Variants in BNC2 observed in about 807,000 individuals in gnomAD.
BNC2 encodes basonuclin zinc finger protein 2.
In BNC2, 20 loss-of-function variants were observed where a neutral mutation model predicts 76.3. The observed-to-expected ratio is 0.26, with a 90% CI of 0.18 to 0.38. The LOEUF (loss-of-function observed/expected upper bound fraction) is 0.38, where lower values mean the gene tolerates loss of function less well. BNC2 is among the 10% of genes least tolerant of loss of function. The pLI is 1.00. For missense variants in BNC2, 1,382 were observed against 1,399.8 expected (o/e 0.99, Z 0.20); for synonymous variants, 582 against 514.8 (o/e 1.13, Z -1.77).
chr9:16,617,439 TAG>T (rs1167939170), intron 3 of BNC2, among the ~76,000 whole-genome samples: 1 of 151,230 alleles, frequency 6.6e-6, no homozygotes, highest in Non-Finnish European at 1.5e-5. Context: ...TAGTTCAAAG[TAG>T]AGTTTCCTCA....
At chr9:16,829,072 G>A (rs1395527954) in intron 1 of BNC2, among the ~76,000 whole-genome samples, 1 of 152,140 alleles carries the variant, frequency 6.6e-6, no homozygotes, top group African/African-American at 2.4e-5. Flanking sequence ...TGGGGCCTGG[G>A]GCGGCCTGGG....
chr9:16,743,453 A>C (rs1461739396), intron 1 of BNC2, among the ~76,000 whole-genome samples: 2 of 152,158 alleles, frequency 1.3e-5, no homozygotes, highest in African/African-American at 4.8e-5. Flanking sequence ...GCCTTCAAAA[A>C]GGAATTTCTT....
chr9:16,834,869 T>G (rs1818666094), intron 1 of BNC2, among the ~76,000 whole-genome samples: 1 of 152,150 alleles, frequency 6.6e-6, no homozygotes. Context: ...CTTTTTTTTT[T>G]AAGTGAGATG....
At chr9:16,596,073 G>A (rs10511622) in intron 3 of BNC2, among the ~76,000 whole-genome samples, 24,078 of 151,966 alleles carry the variant, frequency 0.16, 3,456 homozygotes, top group African/African-American at 0.38. Context: ...TAAATGGCTC[G>A]TAAGAACTCA....
intron 4 of BNC2, among the ~76,000 whole-genome samples, chr9:16,556,959 AGT>A (rs1474431553): frequency 6.6e-6 from 1 of 152,130 alleles, no homozygotes; most frequent in Non-Finnish European, 1.5e-5. Context: ...TGATTTTTTA[AGT>A]GTCATAAAAT....
chr9:16,450,743 A>G (rs1399937274), intron 5 of BNC2, among the ~76,000 whole-genome samples: 1 of 152,224 alleles, frequency 6.6e-6, no homozygotes, highest in East Asian at 1.9e-4. Flanking sequence ...AGCAAAAGGA[A>G]AGGGAAACAT....
chr9:16,654,863 T>A (rs930581042), intron 3 of BNC2, among the ~76,000 whole-genome samples: 2 of 152,114 alleles, frequency 1.3e-5, no homozygotes, highest in African/African-American at 2.4e-5. Context: ...GCAGGAAAAA[T>A]GACGTTCCAT....
chr9:16,685,300 A>G (rs1430336356), intron 3 of BNC2, among the ~76,000 whole-genome samples: 1 of 152,204 alleles, frequency 6.6e-6, no homozygotes, highest in African/African-American at 2.4e-5. Flanking sequence ...TAGGTAGTCA[A>G]CCTTCAGAGA....
intron 3 of BNC2, among the ~76,000 whole-genome samples, chr9:16,719,118 T>A (rs1406502319): frequency 6.6e-6 from 1 of 152,162 alleles, no homozygotes; most frequent in Non-Finnish European, 1.5e-5. Context: ...ACAATGAGAA[T>A]GTTTGCAGGC....
At chr9:16,659,777 G>A (rs185370356) in intron 3 of BNC2, among the ~76,000 whole-genome samples, 131 of 152,148 alleles carry the variant, frequency 8.6e-4, no homozygotes, top group African/African-American at 2.8e-3. Flanking sequence ...TTGGCCACAC[G>A]ATGTAAAATA....
intron 3 of BNC2, among the ~76,000 whole-genome samples, chr9:16,696,756 T>G (rs1264338420): frequency 6.6e-6 from 1 of 152,196 alleles, no homozygotes; most frequent in Non-Finnish European, 1.5e-5. Context: ...TTTAACTATT[T>G]CATTATTCCA....
chr9:16,695,816 C>A (rs1193228628), intron 3 of BNC2, among the ~76,000 whole-genome samples: 1 of 152,104 alleles, frequency 6.6e-6, no homozygotes, highest in African/African-American at 2.4e-5. Context: ...CATTTTCAAA[C>A]TCTCACTAGA....
chr9:16,533,423 A>G (rs1048600662), intron 5 of BNC2, among the ~76,000 whole-genome samples: 5 of 152,216 alleles, frequency 3.3e-5, no homozygotes, highest in African/African-American at 1.2e-4. Context: ...CTATGATAAA[A>G]ATACAAATAA....
chr9:16,855,619 C>T (rs1258722648), intron 1 of BNC2, among the ~76,000 whole-genome samples: 1 of 152,174 alleles, frequency 6.6e-6, no homozygotes, highest in African/African-American at 2.4e-5. Flanking sequence ...CTCACTGCAA[C>T]CTCCACCTCC....
At position 16,725,456 on chromosome 9, in the gene BNC2, G is replaced by C. The variant is rs189253428; in HGVS notation, c.330+2341C>G. On this transcript the variant is annotated intron_variant, in intron 3 of 6. Transcript: ENST00000380672. ...AAAATGCACAAGAGGTAAACATTCA[G>C]TGACCATGACAGAAAAAGGTGGGTT... Among the ~76,000 whole-genome samples, 572 of 151,966 alleles carry C rather than the reference G, an allele frequency of 3.8e-3. 1 individual carries two copies. Among genetic ancestry groups the C allele is most frequent in the Non-Finnish European group, 4.1e-3 (278 of 67,978 alleles).
chr9:16,742,456 G>A (rs367793005), intron 1 of BNC2, among the ~76,000 whole-genome samples: 10 of 152,316 alleles, frequency 6.6e-5, no homozygotes, highest in African/African-American at 2.2e-4. Context: ...CCTCTGGAGA[G>A]CAGGGAAATG....
rs568611274 is a variant in BNC2, at chr9:16,794,054, G to C, written c.4-55569C>G. ...TTATTTAAATGATATACATTGGATT[G>C]TGTGACTTAGTTATAGGTTATAAAA... On this transcript the variant is annotated intron_variant, in intron 1 of 6. Coordinates refer to ENST00000380672, the MANE Select transcript of BNC2 (RefSeq NM_017637.6). 4.6e-5 allele frequency among the ~76,000 whole-genome samples: 7 copies of C among 152,036 alleles called. 1 individual carries two copies. The highest frequency in any genetic ancestry group is 4.6e-4 in the Admixed American group (7 of 15,268).
intron 1 of BNC2, among the ~76,000 whole-genome samples, chr9:16,769,755 T>G (rs2095170648): frequency 1.3e-5 from 2 of 152,210 alleles, no homozygotes; most frequent in African/African-American, 4.8e-5. Context: ...GCAGAATGCC[T>G]GGCACACAAT....
chr9:16,771,931 G>C lies in BNC2; in HGVS notation c.4-33446C>G, dbSNP rs553001336. ...AAGTAGTATCTTTACAGTTCATGGT[G>C]GGGGGAGGATGGCAGGGACTATAAA... On this transcript the variant is annotated intron_variant, in intron 1 of 6. Transcript: ENST00000380672. 5.1e-4 allele frequency among the ~76,000 whole-genome samples: 78 copies of C among 152,252 alleles called. 1 individual carries two copies. The highest frequency in any genetic ancestry group is 1.8e-3 in the Admixed American group (28 of 15,304).
Sources: allele counts gnomAD v4.1 joint callset (sites outside exome capture counted in the v4.1 genomes callset), GRCh38; gene constraint gnomAD v4.1.1; transcripts MANE v1.5; gene names NCBI Gene and HGNC (gene_info 2026-07-23, HGNC 2026-07-21).